KIRREL2: variants seen among roughly 807,000 people sequenced by gnomAD.
The protein encoded by KIRREL2 is kirre like nephrin family adhesion molecule 2.
KIRREL2 carries 56 observed loss-of-function variants against 73.4 expected under a neutral mutation model. The ratio of observed to expected loss-of-function variants is 0.76; its 90% CI spans 0.62 to 0.95. The LOEUF is 0.95. Ranked by LOEUF, KIRREL2 falls within the 40% of genes least tolerant of loss-of-function variation. KIRREL2 has a pLI of 0.00. For synonymous variants in KIRREL2, 407 were observed against 404.0 expected (o/e 1.01, Z -0.09); for missense variants, 896 against 935.0 (o/e 0.96, Z 0.54).
rs1225979793 is a variant in KIRREL2, at chr19:35,861,757, C to T, written c.1291-48C>T. 6 of 1,586,626 alleles carry T rather than the reference C, an allele frequency of 3.8e-6. No individual in the cohort carries two copies. In the African/African-American group the frequency reaches 4.0e-5, roughly 11 times the overall value. The stretch of plus-strand genomic sequence containing the variant: ...TTCCCAGACATCCCTCCTGCTTCTT[C>T]CTCCCCTCCTCAGTCTCCTCCGTGT... On this transcript the variant is annotated intron_variant, in intron 10 of 14. Coordinates refer to ENST00000360202, the MANE Select transcript of KIRREL2 (RefSeq NM_199180.4).
At chr19:35,864,854 A>C in intron 14 of KIRREL2, 141 bp downstream of exon 14, 4 of 635,564 alleles carry the variant, frequency 6.3e-6, no homozygotes, top group Admixed American at 5.5e-5. Flanking sequence ...TCCCCACCCC[A>C]CTCCTCCTGC....
At chr19:35,858,329 T>A in intron 2 of KIRREL2, 79 bp from the exon 3 acceptor site, 1 of 1,530,782 alleles carries the variant, frequency 6.5e-7, no homozygotes, top group Non-Finnish European at 8.9e-7. Flanking sequence ...AGTTTTCTGG[T>A]GGAGGATGTC....
chr19:35,862,067 C>G (rs1282271906), intron 11 of KIRREL2, 43 bp downstream of exon 11: 3 of 1,521,462 alleles, frequency 2.0e-6, no homozygotes, highest in South Asian at 2.4e-5. Context: ...AGAGTCTAAA[C>G]CCCACAAACG....
intron 5 of KIRREL2, 29 bp from the exon 6 acceptor site, chr19:35,860,268 C>A (rs1474383393): frequency 6.3e-7 from 1 of 1,588,092 alleles, no homozygotes; most frequent in Non-Finnish European, 8.6e-7. Flanking sequence ...CTGGTCCTTG[C>A]CCATCTGACC....
rs1761577227 is a variant in KIRREL2, at chr19:35,866,275, C to T, written c.1910C>T (p.Pro637Leu). Residue 637 changes from proline (P) to leucine (L), a missense_variant, in exon 15 of 15, where the codon CCT becomes CTT. Coordinates refer to ENST00000360202, the MANE Select transcript of KIRREL2 (RefSeq NM_199180.4). Reference sequence around the variant, plus strand: ...TCCCCCCTTGGGCCCCCAGGGACCCCTACCTTCTATGACTTCAACCCACAC... The same window carrying T: ...TCCCCCCTTGGGCCCCCAGGGACCCTTACCTTCTATGACTTCAACCCACAC... ...PPSPLGPPGT[P>L]TFYDFNPHLG... 1.2e-6 allele frequency: 2 copies of T among 1,612,196 alleles called. No homozygotes were observed. Among genetic ancestry groups the T allele is most frequent in the Admixed American group, 3.3e-5 (2 of 59,980 alleles).
chr19:35,856,294 G>A (rs1297680488), upstream of KIRREL2, among the ~76,000 whole-genome samples: 2 of 152,236 alleles, frequency 1.3e-5, no homozygotes, highest in African/African-American at 4.8e-5. This position sits in a 1 kb window ranked among gnomAD's most constrained non-coding sequence, Gnocchi z 5.9. Flanking sequence ...CCGGCCGGCC[G>A]AGTGGGGAGA....
intron 4 of KIRREL2, among the ~76,000 whole-genome samples, chr19:35,859,104 T>C (rs1236914714): frequency 6.6e-6 from 1 of 152,216 alleles, no homozygotes; most frequent in East Asian, 1.9e-4. Flanking sequence ...TGTGCCTCAG[T>C]TGCCTTATCT....
At position 35,859,624 on chromosome 19, in the gene KIRREL2, C is replaced by A; in HGVS notation, c.666C>A (p.Ser222Arg). ...GAAGAGACACAGCTATCACACTGAG[C>A]CTGCAGTGTGAGTGCAGCTGGCCCT... ...PTGRDTAITL[S>R]LQYPPEVTLS... Residue 222 changes from serine (S) to arginine (R), a missense_variant, in exon 5 of 15, where the codon AGC (serine) becomes AGA (arginine). By Grantham distance (110) the Ser-to-Arg change is moderately radical. Transcript: ENST00000360202. 1 of 1,613,740 alleles carries A rather than the reference C, an allele frequency of 6.2e-7. No individual in the cohort carries two copies. The highest frequency in any genetic ancestry group is 8.5e-7 in the Non-Finnish European group (1 of 1,179,984).
rs774822278 is a variant in KIRREL2, at chr19:35,859,496, G to A, written c.538G>A (p.Gly180Arg). ...ATFHQTLLKE[G>R]TPGSVESTLT... ...TTCCCTCCAGACCCTGCTGAAGGAA[G>A]GGACCCCTGGGTCAGTGGAGAGCAC... is the stretch of plus-strand genomic sequence containing the variant. Residue 180 changes from glycine to arginine, a missense_variant, in exon 5 of 15, where the codon GGG (glycine) becomes AGG (arginine). Physicochemically the swap from Gly to Arg is moderately radical, Grantham distance 125. Coordinates refer to ENST00000360202, the MANE Select transcript of KIRREL2 (RefSeq NM_199180.4). The A allele has an allele frequency of 1.2e-6, 2 of 1,614,110 alleles. No homozygotes were observed.
intron 11 of KIRREL2, 42 bp from the exon 12 acceptor site, chr19:35,862,451 T>TCCCCCTCAGCCTTCTC (rs1555767840): frequency 1.0e-5 from 15 of 1,439,744 alleles, no homozygotes; most frequent in Middle Eastern, 1.7e-4. Flanking sequence ...GCTTCCTGGT[T>TCCCCCTCAGCCTTCTC]CCCCCTCAGC....
intron 2 of KIRREL2, among the ~76,000 whole-genome samples, chr19:35,857,721 C>T (rs1038737623): frequency 2.1e-4 from 32 of 152,096 alleles, no homozygotes; most frequent in Non-Finnish European, 4.7e-4. Flanking sequence ...CAGTGGCTCA[C>T]GCCTGTAATC....
Position 35,861,263 on chromosome 19 carries a change from G to C in KIRREL2, c.1189+9G>C. 6.6e-7 allele frequency: 1 copy of C among 1,524,064 alleles called. No individual in the cohort carries two copies. The highest frequency in any genetic ancestry group is 1.4e-5 in the African/African-American group (1 of 72,058). The allele number at this position is 1,524,064 out of a possible 1,614,324, so 94.4% of individuals were successfully genotyped here. A position where few individuals can be genotyped will look rare whatever the true frequency, so the allele number is the denominator to read the frequency against. Reference sequence around the variant, plus strand: ...TCGGCTGACTGTGAACGGTGAGAAGGCGGGGCTTCCTAGGGGACCTGGCCC... The same window carrying C: ...TCGGCTGACTGTGAACGGTGAGAAGCCGGGGCTTCCTAGGGGACCTGGCCC... On this transcript the variant is annotated intron_variant, in intron 9 of 14. Transcript: ENST00000360202.
Position 35,860,334 on chromosome 19 carries a change from T to A in KIRREL2, c.711T>A (p.Thr237=), listed in dbSNP as rs772892632. The change falls in exon 6 of 15, where the codon ACT becomes ACA. Residue 237 remains threonine, a synonymous_variant. Coordinates refer to ENST00000360202, the MANE Select transcript of KIRREL2 (RefSeq NM_199180.4). ...PEVTLSASPH[T]VQEGEKVIFL... ...TGACTCTGTCTGCTTCGCCACACAC[T>A]GTGCAGGAGGGAGAGAAGGTCATTT... The A allele has an allele frequency of 6.2e-7, 1 of 1,613,990 alleles. No homozygotes were observed. Among genetic ancestry groups the A allele is most frequent in the Admixed American group, 1.7e-5 (1 of 60,020 alleles).
intron 9 of KIRREL2, 132 bp downstream of exon 9, chr19:35,861,386 A>C: frequency 6.8e-7 from 1 of 1,473,418 alleles, no homozygotes; most frequent in Non-Finnish European, 9.2e-7. Context: ...GACCGGACCT[A>C]TTGAAGGCGA....
upstream of KIRREL2, among the ~76,000 whole-genome samples, chr19:35,852,882 C>A (rs1348366567): frequency 2.0e-5 from 3 of 152,004 alleles, no homozygotes; most frequent in African/African-American, 7.3e-5. Context: ...ATGGCTTGAA[C>A]CTCCCAGGTT....
In KIRREL2 at chr19:35,857,161, C is replaced by T. The variant is rs761338640; in HGVS notation, c.42C>T (p.Phe14=). 1 of 1,611,156 alleles carries T rather than the reference C, an allele frequency of 6.2e-7. No homozygotes were observed. The highest frequency in any genetic ancestry group is 2.2e-5 in the East Asian group (1 of 44,772). Residue 14 remains phenylalanine, a synonymous_variant, in exon 1 of 15, where the codon TTC becomes TTT. Coordinates refer to ENST00000360202, the MANE Select transcript of KIRREL2 (RefSeq NM_199180.4). ...MRVPALLVLL[F]CFRGRAGPSP... Reference sequence around the variant, plus strand: ...TCCCCGCCCTCCTCGTCCTCCTCTTCTGCTTCAGAGGGAGAGCAGGTACCG... The same window carrying T: ...TCCCCGCCCTCCTCGTCCTCCTCTTTTGCTTCAGAGGGAGAGCAGGTACCG...
At chr19:35,863,378 T>G (rs1306846062) in intron 13 of KIRREL2, among the ~76,000 whole-genome samples, 1 of 151,186 alleles carries the variant, frequency 6.6e-6, no homozygotes, top group Non-Finnish European at 1.5e-5. Context: ...GAGCTATGAT[T>G]GCACCATGCA....
In KIRREL2 at chr19:35,857,101, C is replaced by A. The variant is rs1464225510; in HGVS notation, c.-19C>A. ...GGAAGGCCAGTGCGACGGCAAATCT[C>A]GTGAACCTTGGGGGACGAATGCTCA... On this transcript the variant is annotated 5_prime_UTR_variant, in exon 1 of 15. Coordinates refer to ENST00000360202, the MANE Select transcript of KIRREL2 (RefSeq NM_199180.4). 1 of 1,613,706 alleles carries A rather than the reference C, an allele frequency of 6.2e-7. No homozygotes were observed. The highest frequency in any genetic ancestry group is 1.1e-5 in the South Asian group (1 of 91,074).
chr19:35,859,842 C>T (rs1295979265), intron 5 of KIRREL2, among the ~76,000 whole-genome samples: 2 of 152,078 alleles, frequency 1.3e-5, no homozygotes, highest in Non-Finnish European at 2.9e-5. Context: ...ATCAGGAGTT[C>T]GAGACCAGTC....
Sources: gnomAD v4.1 joint callset for allele counts (sites outside exome capture counted in the v4.1 genomes callset) on GRCh38, gnomAD v4.1.1 for gene constraint, Gnocchi (gnomAD v3.1) non-coding constraint, MANE v1.5 for transcripts, NCBI Gene and HGNC (gene_info 2026-07-23, HGNC 2026-07-21) for gene names.